WASHC3: variants seen among roughly 807,000 people sequenced by gnomAD.
WASHC3 encodes WASH complex subunit 3, also known as WASH complex subunit CCDC53.
A neutral mutation model predicts 26.1 loss-of-function variants in WASHC3; 24 were observed. The observed-to-expected ratio is 0.92, with a 90% confidence interval of 0.66 to 1.29. WASHC3 has a LOEUF of 1.29. Among genes scored for constraint, WASHC3 ranks in the 50% most tolerant of loss-of-function variants. The pLI is 0.00. For synonymous variants in WASHC3, 77 were observed against 75.7 expected, an observed-to-expected ratio of 1.02 and a Z score of -0.09; for missense variants, 214 against 229.6, an observed-to-expected ratio of 0.93 and a Z score of 0.44.
intron 5 of WASHC3, among the ~76,000 whole-genome samples, chr12:102,035,502 A>C (rs954337831): frequency 2.0e-5 from 3 of 152,194 alleles, no homozygotes; most frequent in Non-Finnish European, 4.4e-5. Flanking sequence ...CCAAAAAATA[A>C]TGATTGGCAG....
At chr12:102,057,314 G>A (rs1878629445) in intron 2 of WASHC3, among the ~76,000 whole-genome samples, 4 of 152,034 alleles carry the variant, frequency 2.6e-5, no homozygotes, top group Admixed American at 2.6e-4. Context: ...AGCATCATAC[G>A]CAATGGTGAA....
intron 6 of WASHC3, among the ~76,000 whole-genome samples, chr12:102,016,327 C>T (rs1291756960): frequency 6.6e-6 from 1 of 151,996 alleles, no homozygotes; most frequent in Non-Finnish European, 1.5e-5. Flanking sequence ...GCCTCAGCCT[C>T]CTGAGTAGCT....
At chr12:102,028,594 G>A (rs1183470501) in intron 5 of WASHC3, among the ~76,000 whole-genome samples, 2 of 151,634 alleles carry the variant, frequency 1.3e-5, no homozygotes, top group Non-Finnish European at 2.9e-5. Flanking sequence ...GGAGAATGAG[G>A]TTGAAAAAAA....
chr12:102,047,322 A>C (rs1346109311), intron 2 of WASHC3, among the ~76,000 whole-genome samples: 4 of 152,216 alleles, frequency 2.6e-5, no homozygotes, highest in Non-Finnish European at 5.9e-5. Context: ...CACTTTGCCC[A>C]CAATTAGAGG....
intron 2 of WASHC3, among the ~76,000 whole-genome samples, chr12:102,047,038 G>A (rs1166207693): frequency 6.6e-6 from 1 of 152,156 alleles, no homozygotes; most frequent in African/African-American, 2.4e-5. Context: ...AGATAGAAGA[G>A]CTTATCATGC....
intron 2 of WASHC3, among the ~76,000 whole-genome samples, chr12:102,056,642 A>T (rs1878604051): frequency 6.6e-6 from 1 of 152,218 alleles, no homozygotes; most frequent in African/African-American, 2.4e-5. Flanking sequence ...GCTATGACCA[A>T]TTATATGCCA....
At chr12:102,045,056 A>C (rs1878103136) in intron 3 of WASHC3, among the ~76,000 whole-genome samples, 1 of 152,200 alleles carries the variant, frequency 6.6e-6, no homozygotes, top group Non-Finnish European at 1.5e-5. Context: ...AAAATAAGAC[A>C]CATATTCACA....
At chr12:102,052,694 T>C (rs1033244068) in intron 2 of WASHC3, among the ~76,000 whole-genome samples, 1 of 152,018 alleles carries the variant, frequency 6.6e-6, no homozygotes, top group African/African-American at 2.4e-5. Flanking sequence ...TCAGCTCCTG[T>C]GGCCCCAGTC....
In WASHC3 at chr12:102,013,162, T is replaced by G. The variant is rs761427172; in HGVS notation, c.531A>C (p.Glu177Asp). ...AACTTTCTTCTACAGTTTTCTCACTTTCGCCATCAGGCACTGGAGCATCTG... is the reference window on the plus strand; with the variant it reads ...AACTTTCTTCTACAGTTTTCTCACTGTCGCCATCAGGCACTGGAGCATCTG... ...ERPDAPVPDG[E>D]SEKTVEESSD... Residue 177 changes from glutamate to aspartate, a missense_variant, in exon 7 of 7, where the codon GAA (glutamate) becomes GAC (aspartate). Glu to Asp is a conservative substitution (Grantham distance 45). Transcript: ENST00000240079. 1 of 1,551,098 alleles carries G rather than the reference T, an allele frequency of 6.4e-7. No homozygotes were observed.
intron 5 of WASHC3, among the ~76,000 whole-genome samples, chr12:102,032,346 C>A (rs1359931331): frequency 1.3e-5 from 2 of 152,124 alleles, no homozygotes; most frequent in Non-Finnish European, 2.9e-5. Flanking sequence ...ATGTGGAAGT[C>A]GGACTTGCCC....
At chr12:102,060,465 G>A (rs1489545097) in intron 2 of WASHC3, among the ~76,000 whole-genome samples, 1 of 152,030 alleles carries the variant, frequency 6.6e-6, no homozygotes, top group African/African-American at 2.4e-5. Flanking sequence ...TCCCTAGTTG[G>A]GTACTTAATC....
At chr12:102,050,101 T>A (rs1049920263) in intron 2 of WASHC3, 3 of 274,108 alleles carry the variant, frequency 1.1e-5, no homozygotes, top group South Asian at 9.0e-5. Flanking sequence ...GCAGATGAGC[T>A]CAGGAGTTCA....
intron 2 of WASHC3, chr12:102,050,357 G>A: frequency 2.3e-6 from 1 of 435,132 alleles, no homozygotes. Context: ...AGTGGCTCAC[G>A]CCTATAATTC....
At chr12:102,048,165 A>C (rs1322627740) in intron 2 of WASHC3, 5 of 152,206 alleles carry the variant, frequency 3.3e-5, no homozygotes, top group Non-Finnish European at 7.3e-5. Context: ...TGAGATGATC[A>C]TTTACAAAGT....
chr12:102,036,822 C>G (rs1162732277), intron 5 of WASHC3, among the ~76,000 whole-genome samples: 1 of 152,070 alleles, frequency 6.6e-6, no homozygotes, highest in Non-Finnish European at 1.5e-5. Context: ...AAATCAGAAA[C>G]AGTCTGAGGC....
chr12:102,046,178 C>T, intron 2 of WASHC3, 59 bp from the exon 3 acceptor site: 1 of 893,896 alleles, frequency 1.1e-6, no homozygotes, highest in Non-Finnish European at 1.8e-6. Flanking sequence ...TTAACAATAA[C>T]TAAGGGCAGA....
intron 5 of WASHC3, among the ~76,000 whole-genome samples, chr12:102,033,655 T>C (rs1565814984): frequency 6.6e-6 from 1 of 151,944 alleles, no homozygotes. Flanking sequence ...TGCATAGAGA[T>C]GGTTATTCTT....
intron 2 of WASHC3, among the ~76,000 whole-genome samples, chr12:102,049,722 C>T (rs571503390): frequency 5.3e-5 from 8 of 152,196 alleles, no homozygotes; most frequent in African/African-American, 1.9e-4. Flanking sequence ...TTGGTATACC[C>T]CACTGTGTTG....
intron 6 of WASHC3, among the ~76,000 whole-genome samples, chr12:102,023,453 G>C (rs1222927200): frequency 2.0e-5 from 3 of 152,132 alleles, no homozygotes; most frequent in African/African-American, 7.2e-5. Flanking sequence ...TTTACTGAAA[G>C]TTCTTGGCTG....
Sources: gnomAD v4.1 joint callset for allele counts (sites outside exome capture counted in the v4.1 genomes callset) on GRCh38, gnomAD v4.1.1 for gene constraint, MANE v1.5 for transcripts, NCBI Gene and HGNC (gene_info 2026-07-23, HGNC 2026-07-21) for gene names.